BTG4: variants seen among roughly 807,000 people sequenced by gnomAD.
BTG4 encodes protein BTG4.
Under a neutral mutation model 19.3 loss-of-function variants are expected in BTG4, and 10 were observed. The observed-to-expected ratio is 0.52, with a 90% CI of 0.32 to 0.88. The LOEUF is 0.88. Among genes scored for constraint, BTG4 ranks in the 40% least tolerant of loss-of-function variants. The probability of loss-of-function intolerance (pLI) is 0.04; values close to 1 mark genes in which losing one functional copy is unlikely to be tolerated. For synonymous variants in BTG4, 91 were observed against 95.7 expected (o/e 0.95, Z 0.29); for missense variants, 238 against 281.9 (o/e 0.84, Z 1.11).
At chr11:111,470,388 T>A (rs1214620807) in intron 5 of BTG4, among the ~76,000 whole-genome samples, 1 of 152,148 alleles carries the variant, frequency 6.6e-6, no homozygotes, top group Non-Finnish European at 1.5e-5. Flanking sequence ...CCTGGCCTCA[T>A]GACAATAAAA....
At chr11:111,508,753 A>G (rs1591538885) in intron 1 of BTG4, among the ~76,000 whole-genome samples, 1 of 149,492 alleles carries the variant, frequency 6.7e-6, no homozygotes, top group East Asian at 1.9e-4. Flanking sequence ...TTAAATAATT[A>G]TATATAATAT....
chr11:111,411,731 T>C, the BTG4 span, among the ~76,000 whole-genome samples: 1 of 152,160 alleles, frequency 6.6e-6, no homozygotes, highest in Non-Finnish European at 1.5e-5. Context: ...GAATATAGAG[T>C]ATACAGCATT....
In BTG4 at chr11:111,501,381, A is replaced by T. The variant is rs150200141; in HGVS notation, c.-26-2579T>A. Among the ~76,000 whole-genome samples, 391 of 152,250 alleles carry T rather than the reference A, an allele frequency of 2.6e-3. 3 individuals are homozygous for T. Among genetic ancestry groups the T allele is most frequent in the African/African-American group, 9.1e-3 (377 of 41,532 alleles). The stretch of plus-strand genomic sequence containing the variant: ...GCAAAGACCCTCTCTCAAAAAAATA[A>T]AAAAAACCTTTCACTAGTGAAGAAC... On this transcript the variant is annotated intron_variant, in intron 1 of 4. Coordinates refer to ENST00000692032, the MANE Select transcript of BTG4 (RefSeq NM_001367975.1).
the BTG4 span, chr11:111,451,219 A>T: frequency 3.3e-6 from 1 of 300,920 alleles, no homozygotes; most frequent in Non-Finnish European, 7.0e-6. Context: ...CCCAAAGGCA[A>T]CGTATTCCCT....
intron 1 of BTG4, among the ~76,000 whole-genome samples, chr11:111,507,481 CAGA>C (rs1866539262): frequency 6.6e-6 from 1 of 152,040 alleles, no homozygotes; most frequent in Admixed American, 6.5e-5. Flanking sequence ...TTCTAGCCTA[CAGA>C]AGATCATTGA....
the BTG4 span, among the ~76,000 whole-genome samples, chr11:111,440,398 C>T: frequency 6.6e-6 from 1 of 152,224 alleles, no homozygotes; most frequent in Non-Finnish European, 1.5e-5. Context: ...AAGCCACCAG[C>T]CCCTGTAACT....
the BTG4 span, among the ~76,000 whole-genome samples, chr11:111,401,225 G>A: frequency 3.9e-5 from 6 of 152,096 alleles, no homozygotes; most frequent in East Asian, 1.9e-4. Context: ...AGTGGCTCAC[G>A]CCTGTAATCC....
intron 5 of BTG4, among the ~76,000 whole-genome samples, chr11:111,474,503 G>A (rs1419600582): frequency 2.0e-5 from 3 of 152,148 alleles, no homozygotes; most frequent in Non-Finnish European, 2.9e-5. Context: ...GTGGGAGGTA[G>A]TTGTAGTTTG....
chr11:111,478,816 G>C (rs1864554868), intron 5 of BTG4, among the ~76,000 whole-genome samples: 1 of 151,878 alleles, frequency 6.6e-6, no homozygotes, highest in South Asian at 2.1e-4. Flanking sequence ...TATTTAATCT[G>C]AATGAAAGAG....
At chr11:111,456,660 G>A in the BTG4 span, 3 of 414,600 alleles carry the variant, frequency 7.2e-6, no homozygotes, top group South Asian at 5.1e-5. This position sits in a 1 kb window ranked among gnomAD's most constrained non-coding sequence, Gnocchi z 4.2. Context: ...CTGACACTGG[G>A]AGGGTGCTGC....
the BTG4 span, chr11:111,384,990 C>A: frequency 5.3e-5 from 8 of 151,608 alleles, no homozygotes; most frequent in Admixed American, 2.0e-4. Context: ...TCAATAGGGA[C>A]AAATAAACAT....
the BTG4 span, among the ~76,000 whole-genome samples, chr11:111,391,431 A>G: frequency 6.6e-6 from 1 of 152,204 alleles, no homozygotes; most frequent in Non-Finnish European, 1.5e-5. Flanking sequence ...AGTTTTGCCA[A>G]ATGTTACATG....
chr11:111,449,090 C>T, the BTG4 span, among the ~76,000 whole-genome samples: 2 of 152,230 alleles, frequency 1.3e-5, no homozygotes, highest in East Asian at 1.9e-4. Flanking sequence ...TCTTCCTTTG[C>T]TGAATGTCTC....
At chr11:111,387,713 G>T in the BTG4 span, among the ~76,000 whole-genome samples, 1 of 152,134 alleles carries the variant, frequency 6.6e-6, no homozygotes, top group Non-Finnish European at 1.5e-5. Flanking sequence ...TATTATCTAT[G>T]GCCTGAGACT....
chr11:111,393,697 A>C, the BTG4 span, among the ~76,000 whole-genome samples: 1 of 152,194 alleles, frequency 6.6e-6, no homozygotes, highest in Non-Finnish European at 1.5e-5. Context: ...ATGCTCTAGG[A>C]GGGAAGGATG....
chr11:111,497,444 G>A (rs77609070), intron 3 of BTG4, 35 bp from the exon 4 acceptor site: 36,835 of 1,291,014 alleles, frequency 0.029, 618 homozygotes, highest in Middle Eastern at 0.087. Flanking sequence ...GCTAATTAGC[G>A]ATTCAACTTT....
At chr11:111,472,501 G>A (rs1475005348) in intron 5 of BTG4, among the ~76,000 whole-genome samples, 1 of 152,152 alleles carries the variant, frequency 6.6e-6, no homozygotes, top group Non-Finnish European at 1.5e-5. Flanking sequence ...AGCCTACAGT[G>A]CATGGGACAG....
At chr11:111,387,361 C>T in the BTG4 span, among the ~76,000 whole-genome samples, 1 of 152,190 alleles carries the variant, frequency 6.6e-6, no homozygotes, top group Non-Finnish European at 1.5e-5. Context: ...GAGGCCTAAT[C>T]ATTGGAATTT....
chr11:111,491,197 T>C (rs1290606703), downstream of BTG4, among the ~76,000 whole-genome samples: 1 of 152,158 alleles, frequency 6.6e-6, no homozygotes, highest in Non-Finnish European at 1.5e-5. Context: ...GGAAGATTAG[T>C]GGTTGCCAAG....
Sources: gnomAD v4.1 joint callset for allele counts (sites outside exome capture counted in the v4.1 genomes callset) on GRCh38, gnomAD v4.1.1 for gene constraint, Gnocchi (gnomAD v3.1) non-coding constraint, MANE v1.5 for transcripts, NCBI Gene and HGNC (gene_info 2026-07-23, HGNC 2026-07-21) for gene names.